GALNT13: variants seen among roughly 807,000 people sequenced by gnomAD.
GALNT13 encodes UDP-GalNAc:polypeptide N-acetylgalactosaminyltransferase 13.
Under a neutral mutation model 64.2 loss-of-function variants are expected in GALNT13, and 28 were observed. That is an observed-to-expected ratio of 0.44 (90% CI 0.32 to 0.60). The LOEUF is 0.60. Ranked by LOEUF, GALNT13 falls within the 20% of genes least tolerant of loss-of-function variation. GALNT13 has a pLI of 0.05. For missense variants in GALNT13, 577 were observed against 669.8 expected, an observed-to-expected ratio of 0.86 and a Z score of 1.53; for synonymous variants, 214 against 224.6, an observed-to-expected ratio of 0.95 and a Z score of 0.42.
chr2:153,685,148 T>C, the GALNT13 span, among the ~76,000 whole-genome samples: 3 of 151,992 alleles, frequency 2.0e-5, no homozygotes, highest in East Asian at 1.9e-4. Context: ...AGTAGAATGA[T>C]TTATATTCCT....
the GALNT13 span, among the ~76,000 whole-genome samples, chr2:153,654,951 G>C: frequency 6.6e-6 from 1 of 151,958 alleles, no homozygotes; most frequent in Non-Finnish European, 1.5e-5. Flanking sequence ...AGATCTTGCT[G>C]TTCTGGTTCC....
intron 2 of GALNT13, among the ~76,000 whole-genome samples, chr2:153,943,431 C>T (rs1335665804): frequency 1.3e-5 from 2 of 151,876 alleles, no homozygotes; most frequent in East Asian, 3.9e-4. Flanking sequence ...AATTGCTCTA[C>T]TTAAGAATAT....
At chr2:154,108,741 A>G (rs186173993) in intron 3 of GALNT13, among the ~76,000 whole-genome samples, 33 of 151,712 alleles carry the variant, frequency 2.2e-4, no homozygotes, top group Non-Finnish European at 3.7e-4. Flanking sequence ...TAAATCTTCT[A>G]TCCATTTTAG....
the GALNT13 span, among the ~76,000 whole-genome samples, chr2:153,368,884 G>A: frequency 2.0e-5 from 3 of 150,614 alleles, no homozygotes; most frequent in African/African-American, 7.3e-5. Context: ...ACTTTAAATT[G>A]TATATTGAAT....
chr2:154,454,722 T>A (rs1702008183), downstream of GALNT13: 1 of 152,088 alleles, frequency 6.6e-6, no homozygotes, highest in African/African-American at 2.4e-5. Context: ...TTAAATAAAA[T>A]TAGTTCTTTA....
chr2:153,884,925 G>C (rs562216116), intron 1 of GALNT13, among the ~76,000 whole-genome samples: 26 of 144,240 alleles, frequency 1.8e-4, no homozygotes, highest in African/African-American at 5.9e-4. Flanking sequence ...TCTAGTCCCA[G>C]CTACTCAGGA....
At chr2:154,431,874 C>T (rs986694433) in intron 11 of GALNT13, among the ~76,000 whole-genome samples, 9 of 152,316 alleles carry the variant, frequency 5.9e-5, no homozygotes, top group Middle Eastern at 3.4e-3. Flanking sequence ...TGCCTTTGCT[C>T]CTCCTTCACC....
the GALNT13 span, among the ~76,000 whole-genome samples, chr2:153,427,462 A>T: frequency 2.0e-5 from 3 of 152,106 alleles, no homozygotes; most frequent in Non-Finnish European, 4.4e-5. Flanking sequence ...GAATAGAAGG[A>T]AGGGGAAAAA....
At chr2:153,813,119 G>A in the GALNT13 span, among the ~76,000 whole-genome samples, 3 of 151,980 alleles carry the variant, frequency 2.0e-5, no homozygotes, top group Non-Finnish European at 4.4e-5. Context: ...ACTTAGGTTT[G>A]AGACTGTATA....
At chr2:153,563,868 T>C in the GALNT13 span, among the ~76,000 whole-genome samples, 8 of 152,294 alleles carry the variant, frequency 5.3e-5, no homozygotes, top group South Asian at 1.7e-3. Context: ...TTTTCCCTAG[T>C]AGGTCCTCAT....
At chr2:153,801,954 C>CT in the GALNT13 span, among the ~76,000 whole-genome samples, 2 of 152,118 alleles carry the variant, frequency 1.3e-5, no homozygotes, top group Non-Finnish European at 2.9e-5. Context: ...TGTCCACTCT[C>CT]TAAGTTTCTC....
At chr2:153,436,184 G>C in the GALNT13 span, among the ~76,000 whole-genome samples, 80 of 152,328 alleles carry the variant, frequency 5.3e-4, no homozygotes, top group South Asian at 9.7e-3. Flanking sequence ...AAGCCCACGT[G>C]ATCATGGTAG....
chr2:154,384,843 T>C (rs1559126394), intron 9 of GALNT13, among the ~76,000 whole-genome samples: 1 of 151,918 alleles, frequency 6.6e-6, no homozygotes, highest in Non-Finnish European at 1.5e-5. Context: ...TTCAGGAAAT[T>C]TTTATCTTGG....
chr2:154,418,093 A>T (rs2105416355), intron 11 of GALNT13, among the ~76,000 whole-genome samples: 1 of 152,278 alleles, frequency 6.6e-6, no homozygotes, highest in African/African-American at 2.4e-5. Context: ...TTTTTAAAAA[A>T]TCCCCTTACA....
In GALNT13 at chr2:154,007,170, G is replaced by T. The variant is rs1262951236; in HGVS notation, c.142+62531G>T. On this transcript the variant is annotated intron_variant, in intron 3 of 12. Transcript: ENST00000392825. ...GTAGTAAGCTGCCATATCATAATAG[G>T]GCCCTGTGGCGAGGCACTGTGAGTG... Among the ~76,000 whole-genome samples, 3 of 152,206 alleles carry T rather than the reference G, an allele frequency of 2.0e-5. No homozygotes were observed. In the East Asian group the frequency reaches 5.8e-4, roughly 29 times the overall value.
At chr2:153,391,448 T>C in the GALNT13 span, among the ~76,000 whole-genome samples, 1 of 152,106 alleles carries the variant, frequency 6.6e-6, no homozygotes, top group African/African-American at 2.4e-5. Context: ...TAGCTGTGAC[T>C]AACCACTTGT....
the GALNT13 span, among the ~76,000 whole-genome samples, chr2:153,724,972 C>G: frequency 1.3e-5 from 2 of 151,440 alleles, no homozygotes; most frequent in Non-Finnish European, 2.9e-5. Context: ...ACCCAAATGA[C>G]TATAAATCAT....
intron 3 of GALNT13, among the ~76,000 whole-genome samples, chr2:153,984,612 A>T (rs780336905): frequency 6.6e-6 from 1 of 151,794 alleles, no homozygotes; most frequent in Non-Finnish European, 1.5e-5. Context: ...TAATTTACAA[A>T]CAATCATATT....
intron 3 of GALNT13, among the ~76,000 whole-genome samples, chr2:154,062,294 T>C (rs1018088505): frequency 3.9e-5 from 6 of 152,224 alleles, no homozygotes; most frequent in Non-Finnish European, 8.8e-5. Flanking sequence ...TTTTATGTGA[T>C]TCTATTTTCT....
Sources: allele counts gnomAD v4.1 joint callset (sites outside exome capture counted in the v4.1 genomes callset), GRCh38; gene constraint gnomAD v4.1.1; transcripts MANE v1.5; gene names NCBI Gene and HGNC (gene_info 2026-07-23, HGNC 2026-07-21).